The following NIBAN3 variants were observed in gnomAD, a reference collection of about 807,000 sequenced individuals.
NIBAN3 encodes protein Niban 3.
A neutral mutation model predicts 76.4 loss-of-function variants in NIBAN3; 66 were observed. The ratio of observed to expected loss-of-function variants is 0.86; its 90% CI spans 0.71 to 1.06. The LOEUF is 1.06. Among genes scored for constraint, NIBAN3 ranks in the 50% least tolerant of loss-of-function variants. NIBAN3 has a pLI of 0.00. For missense variants in NIBAN3, 808 were observed against 810.7 expected (o/e 1.00, Z 0.04); for synonymous variants, 360 against 355.2 (o/e 1.01, Z -0.15).
intron 9 of NIBAN3, 67 bp downstream of exon 9, chr19:17,540,649 G>T: frequency 8.4e-7 from 1 of 1,197,372 alleles, no homozygotes; most frequent in Non-Finnish European, 1.1e-6. Context: ...CTTTCCTGTG[G>T]AGAATCTTCA....
chr19:17,530,547 A>AG (rs1272412424), intron 1 of NIBAN3, among the ~76,000 whole-genome samples: 1 of 134,104 alleles, frequency 7.5e-6, no homozygotes, highest in Non-Finnish European at 1.6e-5. Context: ...AAAAAAAAAA[A>AG]AAAAAAAAAA....
At chr19:17,551,563 A>G (rs1246262540) in intron 14 of NIBAN3, among the ~76,000 whole-genome samples, 1 of 151,726 alleles carries the variant, frequency 6.6e-6, no homozygotes, top group Non-Finnish European at 1.5e-5. Flanking sequence ...GCCCACCACC[A>G]TGCCCAGCTA....
At position 17,549,254 on chromosome 19, in the gene NIBAN3, C is replaced by T. The variant is rs374352798; in HGVS notation, c.1667-190C>T. Among the ~76,000 whole-genome samples, 50 of 152,198 alleles carry T rather than the reference C, an allele frequency of 3.3e-4. 1 individual carries two copies. The East Asian group carries it at 6.0e-3, about 18-fold the overall frequency. On this transcript the variant is annotated intron_variant, in intron 13 of 14. Coordinates refer to ENST00000599164, the MANE Select transcript of NIBAN3 (RefSeq NM_001321827.2). Reference sequence around the variant, plus strand: ...GTTGGGAGGTGGGACTGGCAGTGTCCAGGCTCAGTGAAGGGTGCAGGGATC... The same window carrying T: ...GTTGGGAGGTGGGACTGGCAGTGTCTAGGCTCAGTGAAGGGTGCAGGGATC...
At chr19:17,543,854 T>C (rs2076001441) in intron 12 of NIBAN3, 1 of 349,530 alleles carries the variant, frequency 2.9e-6, no homozygotes, top group Non-Finnish European at 5.3e-6. Context: ...TAGCCAGGCA[T>C]GGTGATGGGC....
intron 14 of NIBAN3, among the ~76,000 whole-genome samples, chr19:17,549,976 T>C (rs1401004175): frequency 6.6e-6 from 1 of 152,026 alleles, no homozygotes; most frequent in African/African-American, 2.4e-5. Context: ...CATGCCACCA[T>C]GCCCAGCTAA....
intron 13 of NIBAN3, among the ~76,000 whole-genome samples, chr19:17,547,891 T>G (rs1177566349): frequency 6.6e-6 from 1 of 152,076 alleles, no homozygotes; most frequent in Non-Finnish European, 1.5e-5. Flanking sequence ...GGTCTCGAAC[T>G]CATGACCTCG....
In NIBAN3 at chr19:17,543,577, T is replaced by G. The variant is rs745309880; in HGVS notation, c.1500T>G (p.Gly500=). ...AGAGGAGGTTCATCCGAGGCTGGGG[T>G]CTCTGCATCTTTTTACCTTTTGTGC... is the stretch of plus-strand genomic sequence containing the variant. The part of the protein sequence containing the change: ...LAQRRFIRGW[G]LCIFLPFVLS... The change falls in exon 12 of 15, where the codon GGT becomes GGG. Residue 500 remains glycine (G), a synonymous_variant. Coordinates refer to ENST00000599164, the MANE Select transcript of NIBAN3 (RefSeq NM_001321827.2). 3.1e-6 allele frequency: 5 copies of G among 1,614,036 alleles called. No homozygotes were observed. In the South Asian group the frequency reaches 4.4e-5, roughly 14 times the overall value.
chr19:17,541,688 TTTTATTTTA>T (rs2075955654), intron 9 of NIBAN3, among the ~76,000 whole-genome samples: 1 of 145,776 alleles, frequency 6.9e-6, no homozygotes, highest in African/African-American at 2.6e-5. Context: ...TTTTATTTTA[TTTTATTTTA>T]TTTTATTTTT....
chr19:17,524,006 A>C (rs527444487), upstream of NIBAN3, among the ~76,000 whole-genome samples: 1 of 151,916 alleles, frequency 6.6e-6, no homozygotes, highest in Non-Finnish European at 1.5e-5. Context: ...CTCCTGCCTC[A>C]GCCTCCCAAG....
chr19:17,527,387 A>T lies in NIBAN3; in HGVS notation c.47A>T (p.His16Leu). ...SSPLDKQQRQ[H>L]LRGQVDTLLR... ...CCTCTGGACAAGCAGCAGCGGCAGC[A>T]CCTAAGGGGTGAGCAGCCGGGGAGG... is the stretch of plus-strand genomic sequence containing the variant. Residue 16 changes from histidine (H) to leucine (L), a missense_variant, in exon 1 of 15, where the codon CAC becomes CTC. Transcript: ENST00000599164. 1 of 1,526,002 alleles carries T rather than the reference A, an allele frequency of 6.6e-7. No individual in the cohort carries two copies. The highest frequency in any genetic ancestry group is 8.8e-7 in the Non-Finnish European group (1 of 1,133,828). 94.5% of individuals were successfully genotyped at this position (1,526,002 alleles called of 1,614,324 possible). A position where few individuals can be genotyped will look rare whatever the true frequency, so the allele number is the denominator to read the frequency against.
intron 3 of NIBAN3, among the ~76,000 whole-genome samples, chr19:17,533,147 G>A (rs935029991): frequency 3.3e-5 from 5 of 152,028 alleles, no homozygotes; most frequent in African/African-American, 1.2e-4. Context: ...CGGTGGCTCA[G>A]GCCTGTAATG....
upstream of NIBAN3, among the ~76,000 whole-genome samples, chr19:17,526,504 G>A (rs8108967): frequency 4.9e-3 from 747 of 151,460 alleles, 6 homozygotes; most frequent in African/African-American, 0.017. Flanking sequence ...AATTAGCCAG[G>A]CATGGTGGTG....
rs2075972352 is a variant in NIBAN3 at position 17,542,438 on chromosome 19, A to G, written c.1329+144A>G. The G allele has an allele frequency of 8.1e-6, 7 of 865,242 alleles. No homozygotes were observed. The highest frequency in any genetic ancestry group is 1.2e-5 in the Non-Finnish European group (7 of 575,374). The allele number at this position is 865,242 out of a possible 1,614,324, so 53.6% of individuals were successfully genotyped here. A position where few individuals can be genotyped will look rare whatever the true frequency, so the allele number is the denominator to read the frequency against. ...CTCATGGGGACATGAGCCCGTGACC[A>G]GGCAGCAGCCACATGTGGTGGACAG... On this transcript the variant is annotated intron_variant, in intron 10 of 14. Coordinates refer to ENST00000599164, the MANE Select transcript of NIBAN3 (RefSeq NM_001321827.2). This position sits in a 1 kb window ranked among gnomAD's most constrained non-coding sequence, Gnocchi z 4.8.
downstream of NIBAN3, among the ~76,000 whole-genome samples, chr19:17,554,503 G>A (rs937606474): frequency 2.0e-5 from 3 of 151,584 alleles, no homozygotes; most frequent in African/African-American, 7.3e-5. Context: ...ATAATAATAA[G>A]CTGGGCGCGG....
intron 12 of NIBAN3, 76 bp downstream of exon 12, chr19:17,543,707 T>C: frequency 7.6e-7 from 1 of 1,314,854 alleles, no homozygotes; most frequent in Non-Finnish European, 1.1e-6. Context: ...AGAATGCTCT[T>C]TGAGGCTGGG....
At chr19:17,527,489 T>C (rs2075627374) in intron 1 of NIBAN3, 94 bp downstream of exon 1, 1 of 1,331,814 alleles carries the variant, frequency 7.5e-7, no homozygotes, top group East Asian at 2.6e-5. Flanking sequence ...TGGGGTTCGG[T>C]TCAGACCTAG....
In NIBAN3 at chr19:17,546,754, T is replaced by C. The variant is rs2076062584; in HGVS notation, c.1623T>C (p.Tyr541=). ...GSQALTTEGI[Y]EDVIRGCLLQ... ...AGGCTCTGACCACTGAGGGCATCTA[T>C]GAGGACGTCATCCGGGGGTGCTTGC... is the stretch of plus-strand genomic sequence containing the variant. The change falls in exon 13 of 15, where the codon TAT becomes TAC. Residue 541 remains tyrosine, a synonymous_variant. Coordinates refer to ENST00000599164, the MANE Select transcript of NIBAN3 (RefSeq NM_001321827.2). The C allele has an allele frequency of 6.2e-7, 1 of 1,606,136 alleles. No individual in the cohort carries two copies. The highest frequency in any genetic ancestry group is 2.2e-5 in the East Asian group (1 of 44,554).
intron 12 of NIBAN3, chr19:17,545,907 A>G: frequency 2.3e-6 from 1 of 427,530 alleles, no homozygotes. Context: ...GTCTTCTCTA[A>G]ACTCCCCCGG....
At chr19:17,523,571 T>G (rs2075577663), upstream of NIBAN3, 1 of 854,628 alleles carries the variant, frequency 1.2e-6, no homozygotes, top group African/African-American at 1.7e-5. Context: ...GAAGGGAAAT[T>G]GAGCTGCCAG....
Sources: allele counts gnomAD v4.1 joint callset (sites outside exome capture counted in the v4.1 genomes callset), GRCh38; gene constraint gnomAD v4.1.1; non-coding constraint Gnocchi (gnomAD v3.1); transcripts MANE v1.5; gene names NCBI Gene and HGNC (gene_info 2026-07-23, HGNC 2026-07-21).